OR5K3: variants seen among roughly 807,000 people sequenced by gnomAD.
OR5K3 encodes olfactory receptor 5K3.
For synonymous variants in OR5K3, 178 were observed against 132.6 expected (o/e 1.34, Z -2.35); for missense variants, 498 against 383.2 (o/e 1.30, Z -2.50).
Position 98,390,775 on chromosome 3 carries a change from T to A in OR5K3, c.110T>A (p.Ile37Asn), listed in dbSNP as rs759993231. 1 of 1,614,196 alleles carries A rather than the reference T, an allele frequency of 6.2e-7. No individual in the cohort carries two copies. The highest frequency in any genetic ancestry group is 8.5e-7 in the Non-Finnish European group (1 of 1,180,018). The change falls in exon 1 of 1, where the codon ATC (isoleucine) becomes AAC (asparagine). Residue 37 changes from isoleucine to asparagine, a missense_variant. By Grantham distance (149) the Ile-to-Asn change is moderately radical. Coordinates refer to ENST00000383695, the MANE Select transcript of OR5K3 (RefSeq NM_001005516.1). ...LFVVFFAIYL[I>N]TMVGNIGLVA... ...GTGGTGTTCTTTGCCATCTATCTGA[T>A]CACCATGGTGGGGAACATTGGTTTG...
rs1707457457 is a variant in OR5K3, at chr3:98,390,778, C to A, written c.113C>A (p.Thr38Asn). Residue 38 changes from threonine to asparagine, a missense_variant, in exon 1 of 1, where the codon ACC (threonine) becomes AAC (asparagine). Thr to Asn is a moderately conservative substitution (Grantham distance 65). Transcript: ENST00000383695. The stretch of plus-strand genomic sequence containing the variant: ...GTGTTCTTTGCCATCTATCTGATCA[C>A]CATGGTGGGGAACATTGGTTTGGTG... ...FVVFFAIYLI[T>N]MVGNIGLVAL... 5 of 1,614,020 alleles carry A rather than the reference C, an allele frequency of 3.1e-6. No homozygotes were observed. The highest frequency in any genetic ancestry group is 1.3e-5 in the African/African-American group (1 of 74,902).
Position 98,390,819 on chromosome 3 carries a change from G to C in OR5K3, c.154G>C (p.Glu52Gln), listed in dbSNP as rs760048862. 3.7e-6 allele frequency: 6 copies of C among 1,614,064 alleles called. No homozygotes were observed. Among genetic ancestry groups the C allele is most frequent in the South Asian group, 1.1e-5 (1 of 91,090 alleles). Residue 52 changes from glutamate to glutamine, a missense_variant, in exon 1 of 1, where the codon GAG becomes CAG. Coordinates refer to ENST00000383695, the MANE Select transcript of OR5K3 (RefSeq NM_001005516.1). ...NIGLVALIYI[E>Q]QRLHTPMYIF... ...TGGTTTGGTGGCATTGATTTATATAGAGCAACGTCTTCACACACCAATGTA... is the reference window on the plus strand; with the variant it reads ...TGGTTTGGTGGCATTGATTTATATACAGCAACGTCTTCACACACCAATGTA...
chr3:98,391,509 T>C lies in OR5K3; in HGVS notation c.844T>C (p.Leu282=). The C allele has an allele frequency of 6.8e-7, 1 of 1,464,080 alleles. No individual in the cohort carries two copies. The allele number at this position is 1,464,080 out of a possible 1,614,324, so 90.7% of individuals were successfully genotyped here. Residue 282 remains leucine (L), a synonymous_variant, in exon 1 of 1, where the codon TTA becomes CTA. Transcript: ENST00000383695. ...VAIFYTLVIP[L]LNPFIYSLRN... is the part of the protein sequence containing the mutation. ...TATATTTTATACTTTAGTTATTCCT[T>C]TATTAAATCCTTTTATTTATAGCCT... is the stretch of plus-strand genomic sequence containing the variant.
rs370296822 is a variant in OR5K3 at position 98,391,440 on chromosome 3, C to T, written c.775C>T (p.Arg259Ter). ...FCDSLLFMYARPGAVNEGDKD... is the reference protein window; with the variant it reads ...FCDSLLFMYA ...TGATTCCCTTCTCTTCATGTATGCTCGACCAGGTGCAGTTAATGAAGGGGA... is the reference window on the plus strand; with the variant it reads ...TGATTCCCTTCTCTTCATGTATGCTTGACCAGGTGCAGTTAATGAAGGGGA... The change falls in exon 1 of 1, where the codon CGA (arginine) becomes TGA (stop). Residue 259 changes from arginine to a stop codon, truncating the protein, a stop_gained. Coordinates refer to ENST00000383695, the MANE Select transcript of OR5K3 (RefSeq NM_001005516.1). LOFTEE classifies it low-confidence loss of function (END_TRUNC). 201 of 1,598,932 alleles carry T rather than the reference C, an allele frequency of 1.3e-4. No individual in the cohort carries two copies. The highest frequency in any genetic ancestry group is 1.6e-4 in the Non-Finnish European group (191 of 1,171,036).
chr3:98,391,422 C>G lies in OR5K3; in HGVS notation c.757C>G (p.Leu253Val). The G allele has an allele frequency of 6.2e-7, 1 of 1,606,290 alleles. No individual in the cohort carries two copies. The highest frequency in any genetic ancestry group is 8.5e-7 in the Non-Finnish European group (1 of 1,177,346). The change falls in exon 1 of 1, where the codon CTT becomes GTT. Residue 253 changes from leucine to valine, a missense_variant. Leu to Val is a conservative substitution (Grantham distance 32). Coordinates refer to ENST00000383695, the MANE Select transcript of OR5K3 (RefSeq NM_001005516.1). ...FLSVSIFCDS[L>V]LFMYARPGAV... ...CTCTGTGTCAATATTCTGTGATTCC[C>G]TTCTCTTCATGTATGCTCGACCAGG...
In OR5K3 at chr3:98,391,530, A is replaced by G. The variant is rs768477317; in HGVS notation, c.865A>G (p.Ser289Gly). The stretch of plus-strand genomic sequence containing the variant: ...TCCTTTATTAAATCCTTTTATTTAT[A>G]GCCTAAGAAATAAGGAAGTAATAAA... ...VIPLLNPFIYSLRNKEVINIM... is the reference protein window; with the variant it reads ...VIPLLNPFIYGLRNKEVINIM... Residue 289 changes from serine (S) to glycine (G), a missense_variant, in exon 1 of 1, where the codon AGC becomes GGC. By Grantham distance (56) the Ser-to-Gly change is moderately conservative. Coordinates refer to ENST00000383695, the MANE Select transcript of OR5K3 (RefSeq NM_001005516.1). 2 of 1,417,910 alleles carry G rather than the reference A, an allele frequency of 1.4e-6. No homozygotes were observed. The highest frequency in any genetic ancestry group is 2.2e-5 in the Admixed American group (1 of 45,622). 87.8% of individuals were successfully genotyped at this position (1,417,910 alleles called of 1,614,324 possible).
Position 98,391,488 on chromosome 3 carries a change from T to C in OR5K3, c.823T>C (p.Phe275Leu), listed in dbSNP as rs1213050850. The C allele has an allele frequency of 1.3e-6, 2 of 1,502,214 alleles. No homozygotes were observed. Among genetic ancestry groups the C allele is most frequent in the Admixed American group, 3.5e-5 (2 of 57,552 alleles). 93.1% of individuals were successfully genotyped at this position (1,502,214 alleles called of 1,614,324 possible). The change falls in exon 1 of 1, where the codon TTT becomes CTT. Residue 275 changes from phenylalanine to leucine, a missense_variant. Phe to Leu is a conservative substitution (Grantham distance 22, BLOSUM62 0). Transcript: ENST00000383695. ...EGDKDIPVAIFYTLVIPLLNP... is the reference protein window; with the variant it reads ...EGDKDIPVAILYTLVIPLLNP... ...GGATAAAGATATACCTGTTGCTATA[T>C]TTTATACTTTAGTTATTCCTTTATT...
Position 98,391,451 on chromosome 3 carries a change from A to G in OR5K3, c.786A>G (p.Ala262=), listed in dbSNP as rs1178346947. The change falls in exon 1 of 1, where the codon GCA becomes GCG. Residue 262 remains alanine, a synonymous_variant. Transcript: ENST00000383695. The stretch of plus-strand genomic sequence containing the variant: ...TCTTCATGTATGCTCGACCAGGTGC[A>G]GTTAATGAAGGGGATAAAGATATAC... ...SLLFMYARPG[A]VNEGDKDIPV... 6.3e-7 allele frequency: 1 copy of G among 1,586,806 alleles called. No homozygotes were observed. The highest frequency in any genetic ancestry group is 1.7e-5 in the Admixed American group (1 of 58,946).
Position 98,391,550 on chromosome 3 carries a change from A to G in OR5K3, c.885A>G (p.Val295=). ...TTTATAGCCTAAGAAATAAGGAAGT[A>G]ATAAATATTATGAAAAAAATTATGA... The part of the protein sequence containing the change: ...PFIYSLRNKE[V]INIMKKIMKK... Residue 295 remains valine (V), a synonymous_variant, in exon 1 of 1, where the codon GTA becomes GTG. Transcript: ENST00000383695. The G allele has an allele frequency of 7.2e-7, 1 of 1,388,250 alleles. No individual in the cohort carries two copies. The highest frequency in any genetic ancestry group is 9.7e-7 in the Non-Finnish European group (1 of 1,034,360). 86.0% of individuals were successfully genotyped at this position (1,388,250 alleles called of 1,614,324 possible). A position where few individuals can be genotyped will look rare whatever the true frequency, so the allele number is the denominator to read the frequency against.
Position 98,390,892 on chromosome 3 carries a change from C to A in OR5K3, c.227C>A (p.Ala76Asp). The part of the protein sequence containing the change: ...LVLMDSCCSS[A>D]ITPKMLENFF... ...CTGATGGATTCCTGCTGTTCCTCTG[C>A]TATTACTCCCAAGATGTTAGAGAAC... Residue 76 changes from alanine (A) to aspartate (D), a missense_variant, in exon 1 of 1, where the codon GCT (alanine) becomes GAT (aspartate). Coordinates refer to ENST00000383695, the MANE Select transcript of OR5K3 (RefSeq NM_001005516.1). The A allele has an allele frequency of 1.9e-6, 3 of 1,614,228 alleles. No homozygotes were observed. Among genetic ancestry groups the A allele is most frequent in the Non-Finnish European group, 2.5e-6 (3 of 1,180,040 alleles).
Position 98,390,789 on chromosome 3 carries a change from A to T in OR5K3, c.124A>T (p.Asn42Tyr). 6.2e-7 allele frequency: 1 copy of T among 1,614,110 alleles called. No homozygotes were observed. The highest frequency in any genetic ancestry group is 8.5e-7 in the Non-Finnish European group (1 of 1,180,006). The change falls in exon 1 of 1, where the codon AAC becomes TAC. Residue 42 changes from asparagine to tyrosine, a missense_variant. Coordinates refer to ENST00000383695, the MANE Select transcript of OR5K3 (RefSeq NM_001005516.1). ...CATCTATCTGATCACCATGGTGGGG[A>T]ACATTGGTTTGGTGGCATTGATTTA... ...FAIYLITMVGNIGLVALIYIE... is the reference protein window; with the variant it reads ...FAIYLITMVGYIGLVALIYIE...
Position 98,390,694 on chromosome 3 carries a change from C to T in OR5K3, c.29C>T (p.Ala10Val), listed in dbSNP as rs766940466. 4.3e-6 allele frequency: 7 copies of T among 1,613,562 alleles called. No individual in the cohort carries two copies. Among genetic ancestry groups the T allele is most frequent in the Non-Finnish European group, 5.9e-6 (7 of 1,179,716 alleles). Reference sequence around the variant, plus strand: ...AATAAGGAGAATCACTCCTTGATAGCTGAGTTCATCCTCACAGGATTTACA... The same window carrying T: ...AATAAGGAGAATCACTCCTTGATAGTTGAGTTCATCCTCACAGGATTTACA... Reference protein sequence around the residue: MNKENHSLIAEFILTGFTYH... With the variant: MNKENHSLIVEFILTGFTYH... The change falls in exon 1 of 1, where the codon GCT becomes GTT. Residue 10 changes from alanine to valine, a missense_variant. Ala to Val is a moderately conservative substitution (Grantham distance 64, BLOSUM62 0). Coordinates refer to ENST00000383695, the MANE Select transcript of OR5K3 (RefSeq NM_001005516.1).
chr3:98,391,595 C>T lies in OR5K3; in HGVS notation c.930C>T (p.His310=). ...KKIMKKRKFC[H]ILKQMSSPLA... is the part of the protein sequence containing the mutation. ...TTATGAAGAAGAGAAAATTTTGTCA[C>T]ATTCTGAAACAAATGTCATCCCCTC... Residue 310 remains histidine (H), a synonymous_variant, in exon 1 of 1, where the codon CAC becomes CAT. Coordinates refer to ENST00000383695, the MANE Select transcript of OR5K3 (RefSeq NM_001005516.1). 1 of 1,433,440 alleles carries T rather than the reference C, an allele frequency of 7.0e-7. No individual in the cohort carries two copies. The highest frequency in any genetic ancestry group is 9.2e-7 in the Non-Finnish European group (1 of 1,088,536). 88.8% of individuals were successfully genotyped at this position (1,433,440 alleles called of 1,614,324 possible). A position where few individuals can be genotyped will look rare whatever the true frequency, so the allele number is the denominator to read the frequency against.
rs781624560 is a variant in OR5K3 at position 98,391,352 on chromosome 3, G to A, written c.687G>A (p.Lys229=). 4 of 1,610,830 alleles carry A rather than the reference G, an allele frequency of 2.5e-6. No individual in the cohort carries two copies. Among genetic ancestry groups the A allele is most frequent in the Non-Finnish European group, 3.4e-6 (4 of 1,178,982 alleles). ...ILFTIFTMKS[K]EGRGKALSTC... is the part of the protein sequence containing the mutation. ...TCACAATATTTACAATGAAATCCAA[G>A]GAGGGAAGAGGCAAAGCTTTATCTA... Residue 229 remains lysine (K), a synonymous_variant, in exon 1 of 1, where the codon AAG becomes AAA. Transcript: ENST00000383695.
rs755383235 is a variant in OR5K3, at chr3:98,390,705, C to G, written c.40C>G (p.Leu14Val). ...ENHSLIAEFI[L>V]TGFTYHPKLK... ...TCACTCCTTGATAGCTGAGTTCATC[C>G]TCACAGGATTTACATATCATCCAAA... Residue 14 changes from leucine to valine, a missense_variant, in exon 1 of 1, where the codon CTC (leucine) becomes GTC (valine). By Grantham distance (32) the Leu-to-Val change is conservative. Transcript: ENST00000383695. 10 of 1,613,960 alleles carry G rather than the reference C, an allele frequency of 6.2e-6. No individual in the cohort carries two copies. The highest frequency in any genetic ancestry group is 8.5e-6 in the Non-Finnish European group (10 of 1,179,894).
chr3:98,390,907 T>A lies in OR5K3; in HGVS notation c.242T>A (p.Met81Lys), dbSNP rs755145363. 1 of 1,614,250 alleles carries A rather than the reference T, an allele frequency of 6.2e-7. No homozygotes were observed. The highest frequency in any genetic ancestry group is 8.5e-7 in the Non-Finnish European group (1 of 1,180,044). ...TGTTCCTCTGCTATTACTCCCAAGA[T>A]GTTAGAGAACTTCTTTTCTGAGGAC... is the stretch of plus-strand genomic sequence containing the variant. Reference protein sequence around the residue: ...SCCSSAITPKMLENFFSEDKR... With the variant: ...SCCSSAITPKKLENFFSEDKR... The change falls in exon 1 of 1, where the codon ATG becomes AAG. Residue 81 changes from methionine (M) to lysine (K), a missense_variant. Physicochemically the swap from Met to Lys is moderately conservative, Grantham distance 95. Transcript: ENST00000383695.
chr3:98,391,484 T>C lies in OR5K3; in HGVS notation c.819T>C (p.Ala273=). ...VNEGDKDIPV[A]IFYTLVIPLL... Reference sequence around the variant, plus strand: ...AAGGGGATAAAGATATACCTGTTGCTATATTTTATACTTTAGTTATTCCTT... The same window carrying C: ...AAGGGGATAAAGATATACCTGTTGCCATATTTTATACTTTAGTTATTCCTT... Residue 273 remains alanine, a synonymous_variant, in exon 1 of 1, where the codon GCT becomes GCC. Coordinates refer to ENST00000383695, the MANE Select transcript of OR5K3 (RefSeq NM_001005516.1). 1 of 1,511,502 alleles carries C rather than the reference T, an allele frequency of 6.6e-7. No individual in the cohort carries two copies. The highest frequency in any genetic ancestry group is 9.1e-7 in the Non-Finnish European group (1 of 1,094,280). The allele number at this position is 1,511,502 out of a possible 1,614,324, so 93.6% of individuals were successfully genotyped here.
At position 98,391,294 on chromosome 3, in the gene OR5K3, C is replaced by A. The variant is rs1707467225; in HGVS notation, c.629C>A (p.Thr210Asn). The change falls in exon 1 of 1, where the codon ACT (threonine) becomes AAT (asparagine). Residue 210 changes from threonine (T) to asparagine (N), a missense_variant. Transcript: ENST00000383695. ...FILAGSIQIF[T>N]IVLVSYFYIL... ...TTGGCAGGATCAATTCAAATCTTTA[C>A]TATAGTCTTAGTTTCTTATTTCTAC... The A allele has an allele frequency of 1.2e-6, 2 of 1,608,734 alleles. No homozygotes were observed. The highest frequency in any genetic ancestry group is 2.7e-5 in the African/African-American group (2 of 74,834).
At position 98,391,194 on chromosome 3, in the gene OR5K3, T is replaced by C. The variant is rs73854830; in HGVS notation, c.529T>C (p.Phe177Leu). 15,766 of 1,613,864 alleles carry C rather than the reference T, an allele frequency of 9.8e-3. 1,221 individuals are homozygous for C. The African/African-American group carries it at 0.18, about 18-fold the overall frequency. Residue 177 changes from phenylalanine to leucine, a missense_variant, in exon 1 of 1, where the codon TTT becomes CTT. Coordinates refer to ENST00000383695, the MANE Select transcript of OR5K3 (RefSeq NM_001005516.1). ...CTGTGGGTCTCATCAAATCAATCAT[T>C]TTTTCTGTGATGTTCTTCCATTATA... ...TFCGSHQINH[F>L]FCDVLPLYRL...
Sources: gnomAD v4.1 joint callset for allele counts on GRCh38, gnomAD v4.1.1 for gene constraint, MANE v1.5 for transcripts, NCBI Gene and HGNC (gene_info 2026-07-23, HGNC 2026-07-21) for gene names.